Variants in CDH8 observed in about 807,000 individuals in gnomAD.
The protein encoded by CDH8 is cadherin-8.
In CDH8, 17 loss-of-function variants were observed where a neutral mutation model predicts 68.1. The ratio of observed to expected loss-of-function variants is 0.25; its 90% CI spans 0.17 to 0.37. CDH8 has a LOEUF of 0.37. CDH8 is among the 10% of genes least tolerant of loss of function. The pLI is 1.00. For missense variants in CDH8, 763 were observed against 999.3 expected (o/e 0.76, Z 3.19); for synonymous variants, 372 against 365.1 (o/e 1.02, Z -0.21).
At chr16:61,900,250 T>C (rs1304571367) in intron 3 of CDH8, among the ~76,000 whole-genome samples, 3 of 152,218 alleles carry the variant, frequency 2.0e-5, no homozygotes, top group Non-Finnish European at 2.9e-5. Context: ...CCTGTGTTTA[T>C]TTGTCTCACC....
intron 2 of CDH8, among the ~76,000 whole-genome samples, chr16:61,902,643 C>T (rs1045409312): frequency 7.3e-5 from 11 of 149,960 alleles, no homozygotes; most frequent in Non-Finnish European, 1.5e-4. Context: ...GCTGTGTTCT[C>T]TTGGGATCCC....
At chr16:61,749,220 A>T (rs545107102) in intron 8 of CDH8, among the ~76,000 whole-genome samples, 6 of 152,138 alleles carry the variant, frequency 3.9e-5, no homozygotes, top group African/African-American at 1.4e-4. Context: ...GGGGAAAAAA[A>T]GGCCGCCAGA....
At chr16:61,772,696 T>C (rs960790949) in intron 8 of CDH8, among the ~76,000 whole-genome samples, 3 of 152,048 alleles carry the variant, frequency 2.0e-5, no homozygotes, top group Admixed American at 6.6e-5. Context: ...ACAGGTTTAG[T>C]TTTAGTCTGA....
At chr16:61,655,141 G>A (rs1215014072) in intron 11 of CDH8, among the ~76,000 whole-genome samples, 1 of 152,146 alleles carries the variant, frequency 6.6e-6, no homozygotes, top group African/African-American at 2.4e-5. Context: ...GAACTGGTGT[G>A]CCTCACACCC....
intron 8 of CDH8, among the ~76,000 whole-genome samples, chr16:61,760,120 G>C (rs957434224): frequency 3.9e-5 from 6 of 151,992 alleles, no homozygotes; most frequent in Admixed American, 1.3e-4. Context: ...CTTCCAGCCT[G>C]TGTAAACCCA....
intron 2 of CDH8, among the ~76,000 whole-genome samples, chr16:61,940,893 T>C (rs1054568045): frequency 2.0e-5 from 3 of 152,214 alleles, no homozygotes; most frequent in Non-Finnish European, 4.4e-5. Flanking sequence ...ACTTTTAAGA[T>C]GTCTCAGATC....
rs146458405 is a variant in CDH8 at position 62,021,374 on chromosome 16, C to T, written c.30G>A (p.Leu10=). 4.0e-5 allele frequency: 64 copies of T among 1,611,636 alleles called. No homozygotes were observed. The African/African-American group carries it at 8.0e-4, about 20-fold the overall frequency. Residue 10 remains leucine (L), a synonymous_variant, in exon 2 of 12, where the codon TTG becomes TTA. Coordinates refer to ENST00000577390, the MANE Select transcript of CDH8 (RefSeq NM_001796.5). MPERLAEML[L]DLWTPLIILW... is the part of the protein sequence containing the mutation. ...ATATTATTAATGGAGTCCAGAGATC[C>T]AAGAGCATTTCCGCTAGCCGTTCTG...
intron 2 of CDH8, among the ~76,000 whole-genome samples, chr16:61,982,498 C>A (rs775792063): frequency 6.6e-6 from 1 of 152,166 alleles, no homozygotes; most frequent in Non-Finnish European, 1.5e-5. Flanking sequence ...GGATTACAGG[C>A]GTGAACCACC....
intron 8 of CDH8, among the ~76,000 whole-genome samples, chr16:61,757,148 TA>T (rs1960340294): frequency 6.6e-6 from 1 of 152,226 alleles, no homozygotes; most frequent in East Asian, 1.9e-4. Flanking sequence ...AGAGAAAAAG[TA>T]AAAAAGTTTT....
rs1963240178 is a variant in CDH8, at chr16:61,647,918, C to T, written c.*5690G>A. On this transcript the variant is annotated 3_prime_UTR_variant, in exon 12 of 12. Coordinates refer to ENST00000577390, the MANE Select transcript of CDH8 (RefSeq NM_001796.5). Reference sequence around the variant, plus strand: ...GGATAATAATAGAAATATCTATTATCTATTAGTAGGGATACTTGCAAGAAA... The same window carrying T: ...GGATAATAATAGAAATATCTATTATTTATTAGTAGGGATACTTGCAAGAAA... 2.9e-6 allele frequency: 2 copies of T among 687,602 alleles called. No homozygotes were observed. The highest frequency in any genetic ancestry group is 2.6e-6 in the Non-Finnish European group (1 of 378,370). The allele number at this position is 687,602 out of a possible 1,614,324, so 42.6% of individuals were successfully genotyped here.
intron 10 of CDH8, among the ~76,000 whole-genome samples, chr16:61,673,301 G>T (rs1168426806): frequency 6.6e-6 from 1 of 151,810 alleles, no homozygotes; most frequent in African/African-American, 2.4e-5. Flanking sequence ...TATCTCTATT[G>T]ACTGGAATAT....
At chr16:61,709,482 A>T (rs375705204) in intron 10 of CDH8, among the ~76,000 whole-genome samples, 1 of 152,114 alleles carries the variant, frequency 6.6e-6, no homozygotes. Context: ...CAGGCAGCAA[A>T]TTTTGGTTTT....
At chr16:61,681,633 A>T (rs918156719) in intron 10 of CDH8, among the ~76,000 whole-genome samples, 2 of 151,950 alleles carry the variant, frequency 1.3e-5, no homozygotes, top group Non-Finnish European at 2.9e-5. Flanking sequence ...AATTTGTGAA[A>T]TATTAAATTG....
At chr16:61,923,522 T>C (rs946466797) in intron 2 of CDH8, among the ~76,000 whole-genome samples, 19 of 151,904 alleles carry the variant, frequency 1.3e-4, no homozygotes, top group African/African-American at 4.4e-4. Flanking sequence ...GAAAGTCAAA[T>C]TTATTTTGCT....
chr16:61,810,731 T>C (rs1192283849), intron 7 of CDH8, among the ~76,000 whole-genome samples: 3 of 152,050 alleles, frequency 2.0e-5, no homozygotes, highest in Non-Finnish European at 2.9e-5. Flanking sequence ...TATAAAAGAC[T>C]AGTTAGATAA....
intron 2 of CDH8, among the ~76,000 whole-genome samples, chr16:61,987,301 C>T (rs182780717): frequency 6.6e-6 from 1 of 152,128 alleles, no homozygotes; most frequent in East Asian, 1.9e-4. Context: ...GTCAGGAGTT[C>T]GAGACCAGCC....
In CDH8 at chr16:61,901,370, T is replaced by C. The variant is rs1445631463; in HGVS notation, c.356A>G (p.His119Arg). 5 of 1,613,820 alleles carry C rather than the reference T, an allele frequency of 3.1e-6. No homozygotes were observed. Among genetic ancestry groups the C allele is most frequent in the Non-Finnish European group, 4.2e-6 (5 of 1,179,848 alleles). Reference sequence around the variant, plus strand: ...CTCCCGGTCAAGTCTTTTTATAGCATGGATATCTCCAGTTACATCATTTAT... The same window carrying C: ...CTCCCGGTCAAGTCTTTTTATAGCACGGATATCTCCAGTTACATCATTTAT... Reference protein sequence around the residue: ...FQINDVTGDIHAIKRLDREEK... With the variant: ...FQINDVTGDIRAIKRLDREEK... Residue 119 changes from histidine (H) to arginine (R), a missense_variant, in exon 3 of 12, where the codon CAT (histidine) becomes CGT (arginine). Physicochemically the swap from His to Arg is conservative, Grantham distance 29. This residue lies in a region of CDH8 where 366 missense variants were observed against 563.1 expected (regional missense o/e 0.65). Coordinates refer to ENST00000577390, the MANE Select transcript of CDH8 (RefSeq NM_001796.5).
At chr16:61,678,418 A>G (rs2142794347) in intron 10 of CDH8, among the ~76,000 whole-genome samples, 1 of 152,074 alleles carries the variant, frequency 6.6e-6, no homozygotes, top group East Asian at 1.9e-4. Context: ...AACACTATTA[A>G]CTGTTTGCTC....
rs187193315 is a variant in CDH8, at chr16:61,672,266, C to T, written c.1655-16545G>A. 4.9e-3 allele frequency among the ~76,000 whole-genome samples: 751 copies of T among 152,026 alleles called. 10 individuals carry two copies. The highest frequency in any genetic ancestry group is 0.017 in the African/African-American group (725 of 41,496). On this transcript the variant is annotated intron_variant, in intron 10 of 11. Transcript: ENST00000577390. ...CAGAGAATTTTAGGGAATTTGTTCC[C>T]TTTCAAAATTCTGATTATTGAAAGG... is the stretch of plus-strand genomic sequence containing the variant.
Sources: allele counts gnomAD v4.1 joint callset (sites outside exome capture counted in the v4.1 genomes callset), GRCh38; gene constraint gnomAD v4.1.1; regional missense constraint gnomAD v4.1.1; transcripts MANE v1.5; gene names NCBI Gene and HGNC (gene_info 2026-07-23, HGNC 2026-07-21).